The following COL5A1 variants were observed in gnomAD, a reference collection of about 807,000 sequenced individuals.
COL5A1 encodes the protein collagen alpha-1(V) chain.
In COL5A1, 16 loss-of-function variants were observed where a neutral mutation model predicts 263.7. The ratio of observed to expected loss-of-function variants is 0.06; its 90% confidence interval spans 0.04 to 0.09. The LOEUF (loss-of-function observed/expected upper bound fraction) is 0.09. Ranked by LOEUF, COL5A1 falls within the 10% of genes least tolerant of loss-of-function variation. COL5A1 has a pLI of 1.00. For synonymous variants in COL5A1, 1,012 were observed against 1,004.5 expected (o/e 1.01, Z -0.14); for missense variants, 2,036 against 2,540.5 (o/e 0.80, Z 4.27).
intron 9 of COL5A1, among the ~76,000 whole-genome samples, chr9:134,733,276 C>G (rs1384300949): frequency 6.6e-6 from 1 of 152,214 alleles, no homozygotes; most frequent in African/African-American, 2.4e-5. Flanking sequence ...ACTTAGCAGG[C>G]CTTTATACCC....
intron 1 of COL5A1, among the ~76,000 whole-genome samples, chr9:134,675,888 T>C (rs552228739): frequency 6.6e-6 from 1 of 152,182 alleles, no homozygotes; most frequent in South Asian, 2.1e-4. Flanking sequence ...CCTAGACTTG[T>C]GAGCCAGCAG....
intron 1 of COL5A1, among the ~76,000 whole-genome samples, chr9:134,656,895 G>A (rs1831990911): frequency 7.8e-6 from 1 of 127,580 alleles, no homozygotes; most frequent in Non-Finnish European, 1.7e-5. Flanking sequence ...GTACATTATA[G>A]ATAATATGGG....
chr9:134,719,049 G>T (rs115626510), intron 4 of COL5A1, among the ~76,000 whole-genome samples: 1 of 152,198 alleles, frequency 6.6e-6, no homozygotes, highest in African/African-American at 2.4e-5. Flanking sequence ...AACCTGTCAC[G>T]TTGGAGCGGG....
At chr9:134,685,609 TC>T (rs1367946724) in intron 1 of COL5A1, among the ~76,000 whole-genome samples, 12 of 19,820 alleles carry the variant, frequency 6.1e-4, no homozygotes, top group African/African-American at 1.0e-3. Flanking sequence ...CCATCCATCA[TC>T]CATCCATCCA....
rs750710374 is a variant in COL5A1 at position 134,805,221 on chromosome 9, C to A, written c.3258+7C>A. On this transcript the variant is annotated splice_region_variant and intron_variant, in intron 41 of 65. Coordinates refer to ENST00000371817, the MANE Select transcript of COL5A1 (RefSeq NM_000093.5). ...TGGCCCACCAGGCCCTGCGGTGAGTCAAAGCCTTTGTCCCATCCTCTTTCT... is the reference window on the plus strand; with the variant it reads ...TGGCCCACCAGGCCCTGCGGTGAGTAAAAGCCTTTGTCCCATCCTCTTTCT... 28 of 1,613,712 alleles carry A rather than the reference C, an allele frequency of 1.7e-5. No individual in the cohort carries two copies. The highest frequency in any genetic ancestry group is 2.4e-5 in the Non-Finnish European group (28 of 1,179,986).
intron 41 of COL5A1, 46 bp from the exon 42 acceptor site, chr9:134,806,143 C>A: frequency 7.2e-7 from 1 of 1,387,148 alleles, no homozygotes; most frequent in Non-Finnish European, 1.0e-6. Context: ...CACGACCACG[C>A]AGTCTGAGAG....
chr9:134,756,809 T>A lies in COL5A1; in HGVS notation c.1872T>A (p.Thr624=). 1 of 1,614,014 alleles carries A rather than the reference T, an allele frequency of 6.2e-7. No homozygotes were observed. Among genetic ancestry groups the A allele is most frequent in the Non-Finnish European group, 8.5e-7 (1 of 1,179,996 alleles). ...GAGCCAGAGGAATGCCTGGACAAAC[T>A]GGCCCCAAGGTAGGTCACCCACCAC... The part of the protein sequence containing the change: ...SDGARGMPGQ[T]GPKGDRGFDG... Residue 624 remains threonine, a synonymous_variant, in exon 17 of 66, where the codon ACT becomes ACA. Coordinates refer to ENST00000371817, the MANE Select transcript of COL5A1 (RefSeq NM_000093.5).
chr9:134,772,360 C>T (rs1212003610), intron 25 of COL5A1, among the ~76,000 whole-genome samples: 3 of 152,258 alleles, frequency 2.0e-5, no homozygotes, highest in African/African-American at 7.2e-5. Context: ...GCAGATTCAT[C>T]TTGTCAGGTG....
chr9:134,748,187 T>C (rs1835637092), intron 11 of COL5A1, among the ~76,000 whole-genome samples: 1 of 148,738 alleles, frequency 6.7e-6, no homozygotes, highest in African/African-American at 2.5e-5. Flanking sequence ...CATTCATGCA[T>C]ACATTCACAC....
At chr9:134,728,865 G>T (rs953388706) in intron 6 of COL5A1, 58 bp downstream of exon 6, 4 of 1,609,018 alleles carry the variant, frequency 2.5e-6, no homozygotes, top group Non-Finnish European at 3.4e-6. Flanking sequence ...TGGTGCAGGG[G>T]AGGGCGAGGC....
At chr9:134,779,095 C>T (rs931841816) in intron 27 of COL5A1, among the ~76,000 whole-genome samples, 5 of 152,244 alleles carry the variant, frequency 3.3e-5, no homozygotes, top group East Asian at 1.9e-4. Flanking sequence ...GCAGGCCCTG[C>T]GTCCTCCAGT....
At chr9:134,753,244 C>T (rs553867870) in intron 14 of COL5A1, among the ~76,000 whole-genome samples, 48 of 152,332 alleles carry the variant, frequency 3.2e-4, no homozygotes, top group Middle Eastern at 3.4e-3. Context: ...CTCAACTTAG[C>T]TCTCATCTGG....
In COL5A1 at chr9:134,647,616, C is replaced by G. The variant is rs1228664086; in HGVS notation, c.109+5320C>G. Among the ~76,000 whole-genome samples, 1 of 152,194 alleles carries G rather than the reference C, an allele frequency of 6.6e-6. No individual in the cohort carries two copies. On this transcript the variant is annotated intron_variant, in intron 1 of 65. Coordinates refer to ENST00000371817, the MANE Select transcript of COL5A1 (RefSeq NM_000093.5). This position sits in a 1 kb window ranked among gnomAD's most constrained non-coding sequence, Gnocchi z 5.0. Reference sequence around the variant, plus strand: ...GTTTCTCTCCTTACCGTGACCCGGCCCCAGCTGGACGGGAGAGGAGGAGAT... The same window carrying G: ...GTTTCTCTCCTTACCGTGACCCGGCGCCAGCTGGACGGGAGAGGAGGAGAT...
intron 37 of COL5A1, among the ~76,000 whole-genome samples, chr9:134,801,658 G>A (rs1202826273): frequency 2.0e-5 from 3 of 152,144 alleles, no homozygotes; most frequent in Non-Finnish European, 4.4e-5. Flanking sequence ...GTGATGGTGT[G>A]TGCCTGTAAT....
intron 4 of COL5A1, among the ~76,000 whole-genome samples, chr9:134,719,595 C>T (rs1588468872): frequency 6.6e-6 from 1 of 152,320 alleles, no homozygotes; most frequent in East Asian, 1.9e-4. Flanking sequence ...ACGAAGAGGA[C>T]AGCAGCAAGG....
At position 134,789,157 on chromosome 9, in the gene COL5A1, C is replaced by T. The variant is rs770622608; in HGVS notation, c.2649C>T (p.Gly883=). 9.9e-6 allele frequency: 16 copies of T among 1,612,838 alleles called. No homozygotes were observed. The highest frequency in any genetic ancestry group is 7.6e-6 in the Non-Finnish European group (9 of 1,179,834). ...PGYPGRQGPK[G]SIGFPGFPGA... Reference sequence around the variant, plus strand: ...CTCCTCCTTAAACTCTCTTTCAGGGCTCTATTGGATTCCCTGGATTTCCTG... The same window carrying T: ...CTCCTCCTTAAACTCTCTTTCAGGGTTCTATTGGATTCCCTGGATTTCCTG... Residue 883 remains glycine (G), a splice_region_variant and synonymous_variant, in exon 32 of 66, where the codon GGC becomes GGT. Transcript: ENST00000371817. This position sits in a 1 kb window ranked among gnomAD's most constrained non-coding sequence, Gnocchi z 4.8.
rs1435360687 is a variant in COL5A1, at chr9:134,742,014, T to C, written c.1494+3206T>C. 6.6e-6 allele frequency among the ~76,000 whole-genome samples: 1 copy of C among 152,120 alleles called. No homozygotes were observed. The highest frequency in any genetic ancestry group is 2.4e-5 in the African/African-American group (1 of 41,454). ...GCCGTGGGCAGCCGTGGCAATTGGC[T>C]GGGAGCCGTCTGTGCACCTGTGCCG... is the stretch of plus-strand genomic sequence containing the variant. On this transcript the variant is annotated intron_variant, in intron 11 of 65. Transcript: ENST00000371817. This position sits in a 1 kb window ranked among gnomAD's most constrained non-coding sequence, Gnocchi z 4.6.
At chr9:134,713,030 T>C (rs1588462418) in intron 4 of COL5A1, among the ~76,000 whole-genome samples, 1 of 152,334 alleles carries the variant, frequency 6.6e-6, no homozygotes, top group South Asian at 2.1e-4. Flanking sequence ...CCACGGCCTC[T>C]CTCCAGAGCC....
At chr9:134,822,853 G>A (rs1035645058) in intron 59 of COL5A1, 145 bp from the exon 60 acceptor site, 1 of 956,068 alleles carries the variant, frequency 1.0e-6, no homozygotes, top group African/African-American at 1.6e-5. Context: ...TCCCACTCTA[G>A]CCGGGCAAAT....
Sources: allele counts gnomAD v4.1 joint callset (sites outside exome capture counted in the v4.1 genomes callset), GRCh38; gene constraint gnomAD v4.1.1; non-coding constraint Gnocchi (gnomAD v3.1); transcripts MANE v1.5; gene names NCBI Gene and HGNC (gene_info 2026-07-23, HGNC 2026-07-21).